Variants in MYO16 observed in about 807,000 individuals in gnomAD.
MYO16 encodes myosin XVI, also known as unconventional myosin-XVI.
A neutral mutation model predicts 205.3 loss-of-function variants in MYO16; 94 were observed. The observed-to-expected ratio is 0.46, with a 90% CI of 0.39 to 0.54. The LOEUF is 0.54. MYO16 is among the 20% of genes least tolerant of loss of function. The pLI is 0.00. For missense variants in MYO16, 2,315 were observed against 2,387.5 expected, an observed-to-expected ratio of 0.97 and a Z score of 0.63; for synonymous variants, 988 against 954.0, an observed-to-expected ratio of 1.04 and a Z score of -0.66.
intron 27 of MYO16, among the ~76,000 whole-genome samples, chr13:109,071,755 T>A (rs9559482): frequency 0.58 from 88,750 of 151,908 alleles, 25,950 homozygotes; most frequent in Admixed American, 0.61. Context: ...TTAAAGATTG[T>A]CTTTCCTAGA....
the MYO16 span, among the ~76,000 whole-genome samples, chr13:108,573,456 C>T: frequency 1.4e-4 from 21 of 152,298 alleles, no homozygotes; most frequent in African/African-American, 4.8e-4. Context: ...GTATAATTTG[C>T]ATATGCAACA....
At chr13:109,175,409 T>A (rs769986419) in intron 33 of MYO16, among the ~76,000 whole-genome samples, 1 of 152,208 alleles carries the variant, frequency 6.6e-6, no homozygotes. Context: ...ATATCCATTA[T>A]GCCATGGAGA....
At chr13:108,520,161 G>A in the MYO16 span, among the ~76,000 whole-genome samples, 1 of 151,684 alleles carries the variant, frequency 6.6e-6, no homozygotes, top group South Asian at 2.1e-4. Context: ...ATGTGACCTG[G>A]GCAAGTCATT....
chr13:109,011,354 C>T (rs555867979), intron 22 of MYO16, among the ~76,000 whole-genome samples: 1 of 152,240 alleles, frequency 6.6e-6, no homozygotes, highest in South Asian at 2.1e-4. Flanking sequence ...GTGAGCCCCA[C>T]CAGGGGTGTG....
the MYO16 span, among the ~76,000 whole-genome samples, chr13:108,582,310 C>T: frequency 6.6e-6 from 1 of 152,072 alleles, no homozygotes; most frequent in Non-Finnish European, 1.5e-5. Context: ...GACTTTGCAT[C>T]TTGATTTGGT....
chr13:109,046,069 G>A (rs1887035185), intron 23 of MYO16, among the ~76,000 whole-genome samples: 2 of 152,256 alleles, frequency 1.3e-5, no homozygotes, highest in East Asian at 1.9e-4. Context: ...CCTCCCTCAT[G>A]GCTGATGCTC....
chr13:108,676,775 A>C (rs1882231018), intron 2 of MYO16, among the ~76,000 whole-genome samples: 1 of 152,212 alleles, frequency 6.6e-6, no homozygotes, highest in African/African-American at 2.4e-5. Flanking sequence ...TCCCAGGGTC[A>C]GCAGTTCCCA....
chr13:109,063,519 T>G (rs891416019), intron 27 of MYO16, among the ~76,000 whole-genome samples: 1 of 152,158 alleles, frequency 6.6e-6, no homozygotes, highest in African/African-American at 2.4e-5. Flanking sequence ...GTGGAACCTC[T>G]AAGAAGGTAA....
At chr13:108,977,710 T>A (rs1255187659) in intron 20 of MYO16, among the ~76,000 whole-genome samples, 1 of 152,212 alleles carries the variant, frequency 6.6e-6, no homozygotes, top group Non-Finnish European at 1.5e-5. Context: ...GCAATGTTTC[T>A]TTACCCCTCT....
At chr13:108,529,714 G>A in the MYO16 span, among the ~76,000 whole-genome samples, 1 of 152,150 alleles carries the variant, frequency 6.6e-6, no homozygotes, top group Non-Finnish European at 1.5e-5. Context: ...GCCTCATCTT[G>A]AAGAGTGTTT....
chr13:108,997,383 A>G (rs974927581), intron 21 of MYO16, among the ~76,000 whole-genome samples: 11,469 of 69,952 alleles, frequency 0.16, 1,645 homozygotes, highest in Non-Finnish European at 0.21. Flanking sequence ...AGAGAGAGAG[A>G]GAGAGAGGGA....
At chr13:108,504,742 G>T in the MYO16 span, among the ~76,000 whole-genome samples, 2 of 150,482 alleles carry the variant, frequency 1.3e-5, no homozygotes, top group Non-Finnish European at 3.0e-5. Context: ...TCACCATGTT[G>T]GCCAGGATGG....
At chr13:108,718,157 G>T (rs1188285407) in intron 3 of MYO16, among the ~76,000 whole-genome samples, 1 of 152,098 alleles carries the variant, frequency 6.6e-6, no homozygotes, top group Admixed American at 6.5e-5. Flanking sequence ...AGAAAATAAT[G>T]TATTTTGTAA....
intron 20 of MYO16, among the ~76,000 whole-genome samples, chr13:108,978,061 C>CT (rs1290883136): frequency 9.3e-5 from 14 of 151,180 alleles, no homozygotes; most frequent in South Asian, 8.4e-4. Flanking sequence ...TTCTATGAAT[C>CT]TTTTTTTTGT....
the MYO16 span, among the ~76,000 whole-genome samples, chr13:108,502,999 T>C: frequency 2.0e-5 from 3 of 152,322 alleles, no homozygotes; most frequent in South Asian, 2.1e-4. Flanking sequence ...TAGCTTGCTA[T>C]TTTCATTTTA....
intron 22 of MYO16, among the ~76,000 whole-genome samples, chr13:109,011,365 C>T (rs1594467274): frequency 6.6e-6 from 1 of 152,106 alleles, no homozygotes; most frequent in East Asian, 1.9e-4. Flanking sequence ...CAGGGGTGTG[C>T]GTGTCTCATG....
intron 28 of MYO16, among the ~76,000 whole-genome samples, chr13:109,119,169 C>CGTTG (rs1277986293): frequency 1.3e-5 from 2 of 152,148 alleles, no homozygotes; most frequent in Non-Finnish European, 2.9e-5. Flanking sequence ...ACATCTCTGG[C>CGTTG]CAACCATTCT....
chr13:108,794,301 C>G (rs946523132), intron 6 of MYO16, among the ~76,000 whole-genome samples: 3 of 152,196 alleles, frequency 2.0e-5, no homozygotes, highest in African/African-American at 4.8e-5. Flanking sequence ...TAACAACATA[C>G]ACCTGCATCC....
At chr13:108,647,301 C>T (rs945858831) in intron 1 of MYO16, among the ~76,000 whole-genome samples, 7 of 152,066 alleles carry the variant, frequency 4.6e-5, no homozygotes, top group East Asian at 1.9e-4. Context: ...GCATATGCTT[C>T]GGGAAGATGC....
Sources: allele counts gnomAD v4.1 joint callset (sites outside exome capture counted in the v4.1 genomes callset), GRCh38; gene constraint gnomAD v4.1.1; transcripts MANE v1.5; gene names NCBI Gene and HGNC (gene_info 2026-07-23, HGNC 2026-07-21).